Variants in ARHGEF33 observed in about 807,000 individuals in gnomAD.
ARHGEF33 encodes DH and coiled-coil domain-containing protein ENSP00000381780.
ARHGEF33 carries 72 observed loss-of-function variants against 101.9 expected under a neutral mutation model. The observed-to-expected ratio is 0.71, with a 90% CI of 0.58 to 0.86. ARHGEF33 has a LOEUF of 0.86. ARHGEF33 is among the 40% of genes least tolerant of loss of function. The probability of loss-of-function intolerance (pLI) is 0.00; values close to 1 mark genes in which losing one functional copy is unlikely to be tolerated. For synonymous variants in ARHGEF33, 499 were observed against 442.5 expected (o/e 1.13, Z -1.60); for missense variants, 1,169 against 1,111.3 (o/e 1.05, Z -0.74).
At chr2:38,928,750 G>A (rs568436265) in intron 4 of ARHGEF33, 157 bp from the exon 5 acceptor site, 1 of 576,098 alleles carries the variant, frequency 1.7e-6, no homozygotes, top group Non-Finnish European at 3.0e-6. Flanking sequence ...AATGGGGCCA[G>A]GGTTGTCTTA....
At position 38,960,506 on chromosome 2, in the gene ARHGEF33, G is replaced by A. The variant is rs1233172517; in HGVS notation, c.2201G>A (p.Gly734Asp). Residue 734 changes from glycine (G) to aspartate (D), a missense_variant, in exon 16 of 18, where the codon GGC becomes GAC. Physicochemically the swap from Gly to Asp is moderately conservative, Grantham distance 94. Transcript: ENST00000409978. Reference sequence around the variant, plus strand: ...TACAGCACGCGCAGCAGCAGCGGCGGCCGCGCGCCCATCAAGGCCGAGCGC... The same window carrying A: ...TACAGCACGCGCAGCAGCAGCGGCGACCGCGCGCCCATCAAGGCCGAGCGC... ...RLYSTRSSSG[G>D]RAPIKAERAA... The A allele has an allele frequency of 7.4e-6, 10 of 1,348,008 alleles. No homozygotes were observed. The highest frequency in any genetic ancestry group is 1.8e-5 in the South Asian group (1 of 55,344). 83.5% of individuals were successfully genotyped at this position (1,348,008 alleles called of 1,614,324 possible).
chr2:38,926,772 G>A (rs1174542651), intron 4 of ARHGEF33, among the ~76,000 whole-genome samples: 1 of 152,138 alleles, frequency 6.6e-6, no homozygotes, highest in Non-Finnish European at 1.5e-5. Flanking sequence ...AAGGGAGCAA[G>A]GATAATGAAA....
chr2:38,972,577 G>T lies in ARHGEF33; in HGVS notation c.2484-1137G>T, dbSNP rs1572787327. ...GTGAAAATACCTAGTCAGTCATCAG[G>T]TTTCCAGACATTAGGGTTTTTAGTC... is the stretch of plus-strand genomic sequence containing the variant. On this transcript the variant is annotated intron_variant, in intron 17 of 17. Coordinates refer to ENST00000409978, the MANE Select transcript of ARHGEF33 (RefSeq NM_001145451.5). Among the ~76,000 whole-genome samples, 6 of 152,186 alleles carry T rather than the reference G, an allele frequency of 3.9e-5. No homozygotes were observed. In the East Asian group the frequency reaches 1.2e-3, roughly 29 times the overall value.
chr2:38,953,664 A>T (rs768118834), intron 12 of ARHGEF33, among the ~76,000 whole-genome samples: 12 of 152,220 alleles, frequency 7.9e-5, no homozygotes, highest in Admixed American at 2.0e-4. Context: ...TTGCTACTGC[A>T]ATGATACATT....
At position 38,968,660 on chromosome 2, in the gene ARHGEF33, T is replaced by C. The variant is rs140904134; in HGVS notation, c.2483+2515T>C. Among the ~76,000 whole-genome samples, 52 of 152,354 alleles carry C rather than the reference T, an allele frequency of 3.4e-4. No individual in the cohort carries two copies. In the Middle Eastern group the frequency reaches 0.01, roughly 30 times the overall value. On this transcript the variant is annotated intron_variant, in intron 17 of 17. Transcript: ENST00000409978. ...TTGTCCTTTCTCATAGATCAGTCCCTCCTGCATCAATCATGTTGCCACCAC... is the reference window on the plus strand; with the variant it reads ...TTGTCCTTTCTCATAGATCAGTCCCCCCTGCATCAATCATGTTGCCACCAC...
intron 11 of ARHGEF33, among the ~76,000 whole-genome samples, 174 bp from the exon 12 acceptor site, chr2:38,952,988 C>T (rs2603144): frequency 0.79 from 119,520 of 152,202 alleles, 49,553 homozygotes; most frequent in Non-Finnish European, 0.91. Flanking sequence ...CGTGAGCCAC[C>T]GCGCCTTATC....
intron 12 of ARHGEF33, among the ~76,000 whole-genome samples, chr2:38,953,953 A>T (rs570847967): frequency 2.6e-5 from 4 of 152,360 alleles, no homozygotes; most frequent in African/African-American, 9.6e-5. Context: ...CCAGCTAACT[A>T]GGTTCTAATG....
At chr2:38,961,959 A>G (rs1368709307) in intron 16 of ARHGEF33, among the ~76,000 whole-genome samples, 1 of 152,164 alleles carries the variant, frequency 6.6e-6, no homozygotes, top group Non-Finnish European at 1.5e-5. Context: ...GGTGGAAATT[A>G]GGCCAGAGGA....
chr2:38,966,371 C>A (rs904104443), intron 17 of ARHGEF33, among the ~76,000 whole-genome samples: 3 of 152,148 alleles, frequency 2.0e-5, no homozygotes, highest in African/African-American at 7.2e-5. Context: ...TGTCTTTTAT[C>A]CCTCCTTCCT....
chr2:38,902,759 T>A (rs1197375293), intron 2 of ARHGEF33, among the ~76,000 whole-genome samples: 1 of 152,158 alleles, frequency 6.6e-6, no homozygotes, highest in Non-Finnish European at 1.5e-5. Context: ...AATGTCCAAG[T>A]CCTCATGAGG....
At chr2:38,972,126 C>T (rs1431018826) in intron 17 of ARHGEF33, among the ~76,000 whole-genome samples, 1 of 152,132 alleles carries the variant, frequency 6.6e-6, no homozygotes, top group Non-Finnish European at 1.5e-5. Flanking sequence ...TCAAATCCTG[C>T]CCCTGACCTC....
intron 12 of ARHGEF33, 68 bp downstream of exon 12, chr2:38,953,313 C>A: frequency 1.1e-6 from 1 of 910,704 alleles, no homozygotes; most frequent in Non-Finnish European, 1.8e-6. Context: ...GCTCATCCAC[C>A]CAGTCAATAC....
chr2:38,925,825 C>CCTT (rs1666857252), intron 4 of ARHGEF33, among the ~76,000 whole-genome samples: 1 of 152,074 alleles, frequency 6.6e-6, no homozygotes, highest in Non-Finnish European at 1.5e-5. Context: ...TCCCAAGGTA[C>CCTT]AGGTCCAGTC....
At chr2:38,901,939 C>T (rs1286418089) in intron 2 of ARHGEF33, among the ~76,000 whole-genome samples, 1 of 152,016 alleles carries the variant, frequency 6.6e-6, no homozygotes, top group Admixed American at 6.5e-5. Flanking sequence ...CACAGTGAAA[C>T]CCCATCTCTA....
chr2:38,920,931 G>A (rs1265338381), intron 3 of ARHGEF33, among the ~76,000 whole-genome samples: 2 of 152,142 alleles, frequency 1.3e-5, no homozygotes, highest in Non-Finnish European at 2.9e-5. Context: ...AAGATCAGAG[G>A]TGGGAGAAGT....
intron 4 of ARHGEF33, among the ~76,000 whole-genome samples, chr2:38,926,514 G>A (rs1035679634): frequency 6.6e-6 from 1 of 152,118 alleles, no homozygotes; most frequent in African/African-American, 2.4e-5. Context: ...GGCTGGTCAG[G>A]GCTGTGAAGC....
chr2:38,903,540 C>G (rs976684745), intron 2 of ARHGEF33, among the ~76,000 whole-genome samples: 10 of 151,950 alleles, frequency 6.6e-5, no homozygotes, highest in African/African-American at 2.2e-4. Flanking sequence ...CAAAGGCAAG[C>G]CCTCCAGGTG....
intron 16 of ARHGEF33, 25 bp downstream of exon 16, chr2:38,960,673 C>A: frequency 7.3e-7 from 1 of 1,374,440 alleles, no homozygotes; most frequent in South Asian, 1.3e-5. Context: ...AACCGAAACC[C>A]ACAGCGTCGA....
Position 38,961,023 on chromosome 2 carries a change from C to CT in ARHGEF33, c.2343+381dup, listed in dbSNP as rs554681163. ...CTTCCTGCTTATGTGAAGAGTTGCA[C>CT]TTTTTTCAGAGCCCCGCACGCAGGT... On this transcript the variant is annotated intron_variant, in intron 16 of 17. Coordinates refer to ENST00000409978, the MANE Select transcript of ARHGEF33 (RefSeq NM_001145451.5). Among the ~76,000 whole-genome samples the CT allele has an allele frequency of 3.0e-4, 45 of 152,156 alleles. No homozygotes were observed. In the East Asian group the frequency reaches 7.2e-3, roughly 24 times the overall value.
Sources: gnomAD v4.1 joint callset for allele counts (sites outside exome capture counted in the v4.1 genomes callset) on GRCh38, gnomAD v4.1.1 for gene constraint, MANE v1.5 for transcripts, NCBI Gene and HGNC (gene_info 2026-07-23, HGNC 2026-07-21) for gene names.